The following NRG1 variants were observed in gnomAD, a reference collection of about 807,000 sequenced individuals.
The protein encoded by NRG1 is pro-neuregulin-1, membrane-bound isoform.
NRG1 carries 18 observed loss-of-function variants against 63.8 expected under a neutral mutation model. The observed-to-expected ratio is 0.28, with a 90% confidence interval of 0.19 to 0.42. The LOEUF (loss-of-function observed/expected upper bound fraction) is 0.42, where lower values mean the gene tolerates loss of function less well. NRG1 is among the 10% of genes least tolerant of loss of function. The pLI is 1.00. For synonymous variants in NRG1, 302 were observed against 301.3 expected, an observed-to-expected ratio of 1.00 and a Z score of -0.02; for missense variants, 762 against 814.7, an observed-to-expected ratio of 0.94 and a Z score of 0.79.
intron 1 of NRG1, among the ~76,000 whole-genome samples, chr8:32,511,363 A>G (rs543760281): frequency 7.5e-4 from 77 of 102,926 alleles, no homozygotes; most frequent in East Asian, 3.1e-3. Flanking sequence ...GTCGATATAT[A>G]TGTGTATATA....
At chr8:31,642,779 G>A (rs1803922528) in intron 1 of NRG1, among the ~76,000 whole-genome samples, 1 of 152,252 alleles carries the variant, frequency 6.6e-6, no homozygotes, top group African/African-American at 2.4e-5. Flanking sequence ...CGATTTTTGT[G>A]TTATATGATT....
At chr8:32,607,346 G>C (rs16879617) in intron 3 of NRG1, among the ~76,000 whole-genome samples, 5,729 of 152,042 alleles carry the variant, frequency 0.038, 361 homozygotes, top group African/African-American at 0.13. Flanking sequence ...TCACTGGCTT[G>C]GTTCAGTGTG....
intron 1 of NRG1, among the ~76,000 whole-genome samples, chr8:32,012,431 T>C (rs1814901191): frequency 6.6e-6 from 1 of 152,048 alleles, no homozygotes; most frequent in African/African-American, 2.4e-5. Flanking sequence ...TGGCCATAAA[T>C]AGTTTTAGGC....
At chr8:32,502,612 C>T (rs951849646) in intron 1 of NRG1, among the ~76,000 whole-genome samples, 40 of 150,694 alleles carry the variant, frequency 2.7e-4, no homozygotes, top group Middle Eastern at 6.8e-3. Context: ...CCTTTATTTT[C>T]GTCTTTCTTA....
chr8:31,881,414 C>T (rs1242646706), intron 1 of NRG1, among the ~76,000 whole-genome samples: 5 of 152,186 alleles, frequency 3.3e-5, no homozygotes, highest in Admixed American at 3.3e-4. Flanking sequence ...CACCAACCAG[C>T]TGTTCCCCAA....
intron 1 of NRG1, among the ~76,000 whole-genome samples, chr8:31,714,354 G>A (rs1277021716): frequency 3.3e-5 from 5 of 152,134 alleles, no homozygotes; most frequent in Non-Finnish European, 7.4e-5. Context: ...TGGTGGTCAT[G>A]TATGTAGTTT....
chr8:32,663,235 T>C (rs562597699), intron 5 of NRG1, among the ~76,000 whole-genome samples: 5 of 152,312 alleles, frequency 3.3e-5, no homozygotes, highest in South Asian at 4.1e-4. Flanking sequence ...CAGTCATCTT[T>C]TAAACTTTAT....
chr8:32,377,397 T>G (rs2129483125), intron 1 of NRG1, among the ~76,000 whole-genome samples: 1 of 152,320 alleles, frequency 6.6e-6, no homozygotes, highest in Middle Eastern at 3.4e-3. Context: ...AGAGCAAAGT[T>G]ATGCTACTTG....
intron 1 of NRG1, among the ~76,000 whole-genome samples, chr8:32,415,358 T>A (rs1815719284): frequency 8.8e-6 from 1 of 113,708 alleles, no homozygotes; most frequent in African/African-American, 3.3e-5. Flanking sequence ...AGAGCAAGAC[T>A]CTGTCTCAAA....
intron 1 of NRG1, among the ~76,000 whole-genome samples, chr8:32,563,797 C>T (rs552552788): frequency 2.0e-5 from 3 of 152,194 alleles, no homozygotes; most frequent in East Asian, 3.9e-4. Context: ...TATCTCTTTC[C>T]CTAAACTCAT....
At chr8:32,611,922 TTAGAAAAATTCCTTTC>T (rs1338849651) in intron 3 of NRG1, among the ~76,000 whole-genome samples, 1 of 152,098 alleles carries the variant, frequency 6.6e-6, no homozygotes, top group Non-Finnish European at 1.5e-5. Flanking sequence ...TTCATAATAA[TTAGAAAAATTCCTTTC>T]TAGAAGATAT....
chr8:32,449,175 C>T (rs892814571), intron 1 of NRG1, among the ~76,000 whole-genome samples: 3 of 151,850 alleles, frequency 2.0e-5, no homozygotes, highest in East Asian at 1.9e-4. Flanking sequence ...TGCATGCCTG[C>T]AGTCCCAGAT....
chr8:31,640,326 TCGCGAGCCGCCAGC>T lies in NRG1; in HGVS notation c.37+900_37+913del. On this transcript the variant is annotated intron_variant, in intron 1 of 10. Transcript: ENST00000519301. This position sits in a 1 kb window ranked among gnomAD's most constrained non-coding sequence, Gnocchi z 6.3. ...GCGAGGCAGGGGCGTGGGGCGGCGA[TCGCGAGCCGCCAGC>T]CGCGGGCCCACGGGCGCTGGGGCCG... 1 of 1,170,832 alleles carries T rather than the reference TCGCGAGCCGCCAGC, an allele frequency of 8.5e-7. No homozygotes were observed. The highest frequency in any genetic ancestry group is 1.1e-6 in the Non-Finnish European group (1 of 950,132). The allele number at this position is 1,170,832 out of a possible 1,614,324, so 72.5% of individuals were successfully genotyped here.
chr8:32,394,925 T>G (rs996260430), intron 1 of NRG1, among the ~76,000 whole-genome samples: 6 of 152,192 alleles, frequency 3.9e-5, no homozygotes, highest in Admixed American at 2.0e-4. Flanking sequence ...AGAGGAAGTA[T>G]TGTCATGCTA....
chr8:32,394,559 C>G (rs1812203852), intron 1 of NRG1, among the ~76,000 whole-genome samples: 1 of 152,168 alleles, frequency 6.6e-6, no homozygotes, highest in African/African-American at 2.4e-5. Flanking sequence ...TCAGCCTTTT[C>G]CTTCTTTTGG....
intron 1 of NRG1, among the ~76,000 whole-genome samples, chr8:32,118,692 T>G (rs1046303156): frequency 5.3e-5 from 8 of 152,070 alleles, no homozygotes; most frequent in African/African-American, 1.7e-4. Context: ...AATGGCTGCT[T>G]TAAATAAGAT....
intron 1 of NRG1, among the ~76,000 whole-genome samples, chr8:32,531,709 A>G (rs1418780214): frequency 6.6e-6 from 1 of 152,158 alleles, no homozygotes; most frequent in Non-Finnish European, 1.5e-5. Context: ...TGTTAAGGTA[A>G]AGAATTTTGC....
At chr8:32,210,787 G>A (rs1844626518) in intron 1 of NRG1, among the ~76,000 whole-genome samples, 1 of 152,192 alleles carries the variant, frequency 6.6e-6, no homozygotes. Flanking sequence ...TCTCACAGTT[G>A]CTGATACTTG....
At chr8:31,983,021 G>T (rs1188734712) in intron 1 of NRG1, among the ~76,000 whole-genome samples, 1 of 152,020 alleles carries the variant, frequency 6.6e-6, no homozygotes, top group Non-Finnish European at 1.5e-5. Context: ...ACTCATTCAA[G>T]GTTGGCACAA....
Sources: gnomAD v4.1 joint callset for allele counts (sites outside exome capture counted in the v4.1 genomes callset) on GRCh38, gnomAD v4.1.1 for gene constraint, Gnocchi (gnomAD v3.1) non-coding constraint, MANE v1.5 for transcripts, NCBI Gene and HGNC (gene_info 2026-07-23, HGNC 2026-07-21) for gene names.